PPP4R3A: variants seen among roughly 807,000 people sequenced by gnomAD.
The protein encoded by PPP4R3A is protein phosphatase 4 regulatory subunit 3A.
PPP4R3A carries 15 observed loss-of-function variants against 91.7 expected under a neutral mutation model. The ratio of observed to expected loss-of-function variants is 0.16; its 90% CI spans 0.11 to 0.25. The LOEUF is 0.25. Ranked by LOEUF, PPP4R3A falls within the 10% of genes least tolerant of loss-of-function variation. The pLI is 1.00. For missense variants in PPP4R3A, 623 were observed against 998.4 expected (o/e 0.62, Z 5.07); for synonymous variants, 377 against 348.7 (o/e 1.08, Z -0.91).
At chr14:91,467,588 T>TAACAAC (rs1555434507) in intron 10 of PPP4R3A, among the ~76,000 whole-genome samples, 1 of 151,654 alleles carries the variant, frequency 6.6e-6, no homozygotes, top group African/African-American at 2.4e-5. Flanking sequence ...TCCATGTTTT[T>TAACAAC]AACAACAAAA....
At chr14:91,509,213 C>T (rs1390782693) in intron 1 of PPP4R3A, among the ~76,000 whole-genome samples, 2 of 152,182 alleles carry the variant, frequency 1.3e-5, no homozygotes, top group Non-Finnish European at 2.9e-5. Flanking sequence ...ACTCCGGACT[C>T]CCTATCTCAG....
chr14:91,501,871 A>ATTTTTTTTTTTTTTT (rs755484959), intron 1 of PPP4R3A, among the ~76,000 whole-genome samples: 4 of 100,240 alleles, frequency 4.0e-5, no homozygotes, highest in Non-Finnish European at 5.7e-5. Flanking sequence ...AGCCCGGCTA[A>ATTTTTTTTTTTTTTT]TTTTTTTTTT....
chr14:91,468,667 CA>C (rs766250846), intron 10 of PPP4R3A, among the ~76,000 whole-genome samples: 1,082 of 44,896 alleles, frequency 0.024, no homozygotes, highest in Non-Finnish European at 0.027. Context: ...GACTCCGTCT[CA>C]AAAAAAAAAA....
intron 4 of PPP4R3A, among the ~76,000 whole-genome samples, chr14:91,480,181 T>C (rs1027193772): frequency 2.0e-5 from 3 of 152,188 alleles, no homozygotes; most frequent in Admixed American, 1.3e-4. Context: ...TAATAAGCAA[T>C]TATCAATAGA....
intron 3 of PPP4R3A, among the ~76,000 whole-genome samples, chr14:91,483,530 G>T (rs969309230): frequency 6.6e-6 from 1 of 152,166 alleles, no homozygotes; most frequent in Non-Finnish European, 1.5e-5. Flanking sequence ...TTTATCCACA[G>T]AAAAATGTTA....
In PPP4R3A at chr14:91,458,558, T is replaced by TTAAGTCTTTCCCCTAAA; in HGVS notation, c.*184_*200dup. 1.3e-6 allele frequency: 1 copy of TTAAGTCTTTCCCCTAAA among 758,544 alleles called. No homozygotes were observed. The highest frequency in any genetic ancestry group is 2.3e-6 in the Non-Finnish European group (1 of 439,756). The allele number at this position is 758,544 out of a possible 1,614,324, so 47.0% of individuals were successfully genotyped here. A position where few individuals can be genotyped will look rare whatever the true frequency, so the allele number is the denominator to read the frequency against. On this transcript the variant is annotated 3_prime_UTR_variant, in exon 15 of 15. Transcript: ENST00000554943. ...GGTCCAAGCTGGAGAGCTCAAAGGC[T>TTAAGTCTTTCCCCTAAA]TAAGTCTTTCCCCTAAATATATGAT...
intron 4 of PPP4R3A, among the ~76,000 whole-genome samples, chr14:91,480,032 AT>A (rs1237887618): frequency 5.9e-5 from 9 of 152,152 alleles, no homozygotes. Context: ...AACGCAAATT[AT>A]TGTCTAGCTC....
At chr14:91,498,909 C>CCCTG (rs1890760065) in intron 1 of PPP4R3A, among the ~76,000 whole-genome samples, 1 of 127,088 alleles carries the variant, frequency 7.9e-6, no homozygotes. Flanking sequence ...CAGAGTGAGA[C>CCCTG]TCCAACTCAA....
chr14:91,502,439 T>C (rs1566656455), intron 1 of PPP4R3A, among the ~76,000 whole-genome samples: 1 of 152,110 alleles, frequency 6.6e-6, no homozygotes. Flanking sequence ...AAACAAACTT[T>C]TCAAAGTGAA....
In PPP4R3A at chr14:91,457,813, C is replaced by G. The variant is rs1012998697; in HGVS notation, c.*946G>C. 3.9e-5 allele frequency: 6 copies of G among 152,662 alleles called. No homozygotes were observed. The highest frequency in any genetic ancestry group is 3.9e-4 in the Admixed American group (6 of 15,298). The allele number at this position is 152,662 out of a possible 1,614,324, so 9.5% of individuals were successfully genotyped here. ...ATTCTATTTCCCTGAATTCTCAAGACAGTTGCTGATGTAAATTTTAATATA... is the reference window on the plus strand; with the variant it reads ...ATTCTATTTCCCTGAATTCTCAAGAGAGTTGCTGATGTAAATTTTAATATA... On this transcript the variant is annotated 3_prime_UTR_variant, in exon 15 of 15. Transcript: ENST00000554943.
At chr14:91,466,961 A>ACACACACACACACACACC (rs1212868050) in intron 10 of PPP4R3A, among the ~76,000 whole-genome samples, 3 of 151,640 alleles carry the variant, frequency 2.0e-5, no homozygotes, top group Admixed American at 1.3e-4. Context: ...ACACACACAC[A>ACACACACACACACACACC]CACCCCTCTT....
At chr14:91,490,893 AAT>A (rs1183233846) in intron 1 of PPP4R3A, 91 bp from the exon 2 acceptor site, 14 of 518,810 alleles carry the variant, frequency 2.7e-5, no homozygotes, top group South Asian at 4.1e-5. Context: ...TAAAAAAAAT[AAT>A]AATAATTTTT....
chr14:91,494,652 C>G (rs971656522), intron 1 of PPP4R3A, among the ~76,000 whole-genome samples: 10 of 152,214 alleles, frequency 6.6e-5, no homozygotes, highest in South Asian at 4.1e-4. Flanking sequence ...CACTTGAGGT[C>G]AGGAGTTCGA....
At chr14:91,490,672 T>G in intron 2 of PPP4R3A, 75 bp downstream of exon 2, 1 of 1,197,584 alleles carries the variant, frequency 8.4e-7, no homozygotes, top group East Asian at 2.5e-5. Flanking sequence ...TTTTTCACTA[T>G]AAGCAATCAG....
rs1471569353 is a variant in PPP4R3A, at chr14:91,481,813, A to G, written c.678T>C (p.Tyr226=). 1.9e-6 allele frequency: 3 copies of G among 1,614,042 alleles called. No homozygotes were observed. The African/African-American group carries it at 4.0e-5, about 22-fold the overall frequency. The change falls in exon 4 of 15, where the codon TAT becomes TAC. Residue 226 remains tyrosine (Y), a synonymous_variant. Coordinates refer to ENST00000554943, the MANE Select transcript of PPP4R3A (RefSeq NM_001366432.2). ...TTCGTGGTTGTGATAAAGCAGGATCATATTCTAAACATCCAATGACGTCCA... is the reference window on the plus strand; with the variant it reads ...TTCGTGGTTGTGATAAAGCAGGATCGTATTCTAAACATCCAATGACGTCCA... The part of the protein sequence containing the change: ...CIMDVIGCLE[Y]DPALSQPRKH...
Position 91,481,573 on chromosome 14 carries a change from C to A in PPP4R3A, c.915+3G>T. The A allele has an allele frequency of 1.3e-6, 2 of 1,544,894 alleles. No homozygotes were observed. The highest frequency in any genetic ancestry group is 1.7e-6 in the Non-Finnish European group (2 of 1,151,098). Reference sequence around the variant, plus strand: ...ATATGAAAAAAGGAATGATCTAACTCACCTGCAACATGCCAACAATCTCTA... The same window carrying A: ...ATATGAAAAAAGGAATGATCTAACTAACCTGCAACATGCCAACAATCTCTA... On this transcript the variant is annotated splice_donor_region_variant and intron_variant, in intron 4 of 14. Transcript: ENST00000554943.
intron 2 of PPP4R3A, among the ~76,000 whole-genome samples, chr14:91,489,576 G>T (rs543435713): frequency 4.6e-5 from 7 of 152,174 alleles, no homozygotes; most frequent in Admixed American, 3.3e-4. Context: ...AAACCTATAG[G>T]CTGAGACACA....
At chr14:91,461,727 C>T in intron 13 of PPP4R3A, 120 bp from the exon 14 acceptor site, 1 of 1,048,586 alleles carries the variant, frequency 9.5e-7, no homozygotes, top group Non-Finnish European at 1.4e-6. Context: ...CATTGAAGTT[C>T]AATTTATAAA....
intron 10 of PPP4R3A, 123 bp downstream of exon 10, chr14:91,470,714 C>G: frequency 9.3e-7 from 1 of 1,072,918 alleles, no homozygotes; most frequent in Non-Finnish European, 1.3e-6. Flanking sequence ...TAATCAGTGG[C>G]AGAGCTAGTA....
Sources: gnomAD v4.1 joint callset for allele counts (sites outside exome capture counted in the v4.1 genomes callset) on GRCh38, gnomAD v4.1.1 for gene constraint, MANE v1.5 for transcripts, NCBI Gene and HGNC (gene_info 2026-07-23, HGNC 2026-07-21) for gene names.